ZCCHC24: variants seen among roughly 807,000 people sequenced by gnomAD.
ZCCHC24 encodes zinc finger CCHC-type containing 24, also known as zinc finger CCHC domain-containing protein 24.
ZCCHC24 carries 10 observed loss-of-function variants against 26.2 expected under a neutral mutation model. The ratio of observed to expected loss-of-function variants is 0.38; its 90% CI spans 0.24 to 0.65. The LOEUF (loss-of-function observed/expected upper bound fraction) is 0.65. Among genes scored for constraint, ZCCHC24 ranks in the 30% least tolerant of loss-of-function variants. ZCCHC24 has a pLI of 0.54. For synonymous variants in ZCCHC24, 144 were observed against 147.1 expected (o/e 0.98, Z 0.15); for missense variants, 243 against 329.1 (o/e 0.74, Z 2.03).
rs1378223883 is a variant in ZCCHC24, at chr10:79,384,917, C to T, written c.*1428G>A. On this transcript the variant is annotated 3_prime_UTR_variant, in exon 4 of 4. Transcript: ENST00000372336. ...AAGGGTCAAGACCATGGAAACGGGG[C>T]TTCTCATCCGGGAGACAGAGGAGCG... The T allele has an allele frequency of 6.6e-6, 1 of 152,306 alleles. No homozygotes were observed. The highest frequency in any genetic ancestry group is 1.5e-5 in the Non-Finnish European group (1 of 68,030). 9.4% of individuals were successfully genotyped at this position (152,306 alleles called of 1,614,324 possible). A position where few individuals can be genotyped will look rare whatever the true frequency, so the allele number is the denominator to read the frequency against.
intron 3 of ZCCHC24, among the ~76,000 whole-genome samples, chr10:79,389,587 A>G (rs1856447680): frequency 6.7e-6 from 1 of 150,342 alleles, no homozygotes. Flanking sequence ...AGAGAAGTAA[A>G]TAAGATGACT....
At chr10:79,428,902 G>A (rs748549487) in intron 2 of ZCCHC24, among the ~76,000 whole-genome samples, 3 of 151,976 alleles carry the variant, frequency 2.0e-5, no homozygotes, top group Non-Finnish European at 4.4e-5. Context: ...TGCCTAGGAA[G>A]ATGCAAACTG....
At chr10:79,434,299 G>A (rs148971687) in intron 1 of ZCCHC24, among the ~76,000 whole-genome samples, 2 of 152,308 alleles carry the variant, frequency 1.3e-5, no homozygotes, top group African/African-American at 4.8e-5. Context: ...CCAAATCCAG[G>A]ACCAGTGGAA....
intron 2 of ZCCHC24, among the ~76,000 whole-genome samples, chr10:79,419,834 A>G (rs766258918): frequency 6.6e-6 from 1 of 152,064 alleles, no homozygotes; most frequent in Non-Finnish European, 1.5e-5. Flanking sequence ...AGGCTCTGCC[A>G]ACATCTCTGT....
chr10:79,405,233 C>T lies in ZCCHC24; in HGVS notation c.448-10793G>A, dbSNP rs117864865. 2.4e-3 allele frequency among the ~76,000 whole-genome samples: 370 copies of T among 152,354 alleles called. 5 individuals are homozygous for T. The highest frequency in any genetic ancestry group is 4.7e-3 in the Non-Finnish European group (317 of 68,042). ...GCTTGCCAAACTCAGAGATTTCACC[C>T]GAAATTTAAACGAAATTCCCCTACT... On this transcript the variant is annotated intron_variant, in intron 2 of 3. Coordinates refer to ENST00000372336, the MANE Select transcript of ZCCHC24 (RefSeq NM_153367.4).
At position 79,389,080 on chromosome 10, in the gene ZCCHC24, G is replaced by A. The variant is rs544104664; in HGVS notation, c.613-2622C>T. Among the ~76,000 whole-genome samples the A allele has an allele frequency of 3.0e-4, 46 of 152,310 alleles. 1 individual carries two copies. Among genetic ancestry groups the A allele is most frequent in the African/African-American group, 7.7e-4 (32 of 41,572 alleles). On this transcript the variant is annotated intron_variant, in intron 3 of 3. Coordinates refer to ENST00000372336, the MANE Select transcript of ZCCHC24 (RefSeq NM_153367.4). Reference sequence around the variant, plus strand: ...AGACTGCAGCACTCCCTCCCAGCCCGTCTGAGTCCCTGGCTTTCTGTCCCC... The same window carrying A: ...AGACTGCAGCACTCCCTCCCAGCCCATCTGAGTCCCTGGCTTTCTGTCCCC...
chr10:79,445,167 G>GA, intron 1 of ZCCHC24, 28 bp downstream of exon 1: 1 of 1,270,256 alleles, frequency 7.9e-7, no homozygotes. Flanking sequence ...CGGTGGGGCG[G>GA]TGGGCGGGGG....
chr10:79,442,447 C>A (rs917158251), intron 1 of ZCCHC24, among the ~76,000 whole-genome samples: 9 of 152,338 alleles, frequency 5.9e-5, no homozygotes, highest in Admixed American at 1.3e-4. Flanking sequence ...GCTTCTGTGC[C>A]CCCATGTCCT....
At chr10:79,419,416 T>A (rs1439160471) in intron 2 of ZCCHC24, among the ~76,000 whole-genome samples, 1 of 152,184 alleles carries the variant, frequency 6.6e-6, no homozygotes, top group East Asian at 1.9e-4. Flanking sequence ...AGAGCAAAAG[T>A]GAACTCTGAG....
chr10:79,412,727 G>A (rs997446488), intron 2 of ZCCHC24, among the ~76,000 whole-genome samples: 6 of 152,216 alleles, frequency 3.9e-5, no homozygotes, highest in Admixed American at 6.5e-5. Context: ...CTGGCTGTGC[G>A]GTCCTGGAGA....
intron 3 of ZCCHC24, among the ~76,000 whole-genome samples, chr10:79,391,334 C>T (rs1242013592): frequency 1.3e-5 from 2 of 152,026 alleles, no homozygotes; most frequent in Non-Finnish European, 1.5e-5. Context: ...GGGGCCGTTG[C>T]CAGCTTGGGG....
intron 2 of ZCCHC24, among the ~76,000 whole-genome samples, chr10:79,428,776 T>C (rs1857084059): frequency 6.6e-6 from 1 of 151,730 alleles, no homozygotes; most frequent in Non-Finnish European, 1.5e-5. Flanking sequence ...ATTGCAAGAA[T>C]CAGAAATGAA....
At chr10:79,407,231 C>T (rs1384499328) in intron 2 of ZCCHC24, among the ~76,000 whole-genome samples, 1 of 152,164 alleles carries the variant, frequency 6.6e-6, no homozygotes, top group Non-Finnish European at 1.5e-5. Flanking sequence ...GCAGACCTGC[C>T]CCCAGGGAGC....
chr10:79,421,147 G>T (rs1001695184), intron 2 of ZCCHC24, among the ~76,000 whole-genome samples: 1 of 108,882 alleles, frequency 9.2e-6, no homozygotes, highest in African/African-American at 3.5e-5. Flanking sequence ...CTACCCTAAC[G>T]TCAGCATCTA....
At chr10:79,428,072 C>T (rs376564932) in intron 2 of ZCCHC24, among the ~76,000 whole-genome samples, 36 of 152,276 alleles carry the variant, frequency 2.4e-4, no homozygotes, top group East Asian at 2.1e-3. Flanking sequence ...TATAAACCCT[C>T]GATCACAGCA....
Position 79,445,616 on chromosome 10 carries a change from C to T in ZCCHC24, c.-176G>A, listed in dbSNP as rs1857357696. On this transcript the variant is annotated 5_prime_UTR_variant, in exon 1 of 4. Transcript: ENST00000372336. ...CAGCCGCTGCCGCTGCCGCCGCCTC[C>T]CCCCGACTGCGGCCCCGGCGCGCGC... The T allele has an allele frequency of 1.5e-5, 6 of 399,040 alleles. No individual in the cohort carries two copies. In the South Asian group the frequency reaches 5.7e-4, roughly 38 times the overall value. 24.7% of individuals were successfully genotyped at this position (399,040 alleles called of 1,614,324 possible).
intron 3 of ZCCHC24, among the ~76,000 whole-genome samples, chr10:79,390,824 G>A (rs1782911598): frequency 6.6e-6 from 1 of 152,200 alleles, no homozygotes; most frequent in East Asian, 1.9e-4. Context: ...GGCCAGGAGA[G>A]TGGGGAAGTG....
intron 2 of ZCCHC24, 133 bp downstream of exon 2, chr10:79,432,425 G>T: frequency 1.1e-6 from 1 of 940,352 alleles, no homozygotes; most frequent in Non-Finnish European, 1.5e-6. Flanking sequence ...AAGGGTAGAG[G>T]CCAGAGGACC....
intron 2 of ZCCHC24, among the ~76,000 whole-genome samples, chr10:79,407,001 A>G (rs1589665656): frequency 1.3e-5 from 2 of 152,148 alleles, no homozygotes; most frequent in Non-Finnish European, 1.5e-5. Flanking sequence ...TGGAAGCTGC[A>G]CTTCCTCCGG....
Sources: allele counts gnomAD v4.1 joint callset (sites outside exome capture counted in the v4.1 genomes callset), GRCh38; gene constraint gnomAD v4.1.1; transcripts MANE v1.5; gene names NCBI Gene and HGNC (gene_info 2026-07-23, HGNC 2026-07-21).